The following PDE10A variants were observed in gnomAD, a reference collection of about 807,000 sequenced individuals.
The protein encoded by PDE10A is phosphodiesterase 10A.
A neutral mutation model predicts 97.7 loss-of-function variants in PDE10A; 39 were observed. The ratio of observed to expected loss-of-function variants is 0.40; its 90% CI spans 0.31 to 0.52. The LOEUF is 0.52. Among genes scored for constraint, PDE10A ranks in the 20% least tolerant of loss-of-function variants. PDE10A has a pLI of 0.56. For synonymous variants in PDE10A, 371 were observed against 376.8 expected (o/e 0.98, Z 0.18); for missense variants, 731 against 1,047.8 (o/e 0.70, Z 4.17).
At chr6:165,901,445 G>C (rs569861022) in intron 1 of PDE10A, among the ~76,000 whole-genome samples, 1 of 152,116 alleles carries the variant, frequency 6.6e-6, no homozygotes, top group Non-Finnish European at 1.5e-5. Context: ...TCAGGGCTCC[G>C]GGTCTCACGT....
At chr6:165,741,613 A>G (rs1032224273) in intron 1 of PDE10A, among the ~76,000 whole-genome samples, 1 of 152,212 alleles carries the variant, frequency 6.6e-6, no homozygotes, top group Non-Finnish European at 1.5e-5. Context: ...TTTAAAAAGC[A>G]TGTCATTTTA....
intron 1 of PDE10A, among the ~76,000 whole-genome samples, chr6:165,976,455 T>G (rs145740185): frequency 2.0e-5 from 3 of 152,268 alleles, no homozygotes; most frequent in African/African-American, 7.2e-5. Flanking sequence ...TCAATATAGC[T>G]CAAAGCCAAG....
chr6:165,424,216 C>A (rs1788946313), intron 10 of PDE10A, among the ~76,000 whole-genome samples: 1 of 152,180 alleles, frequency 6.6e-6, no homozygotes, highest in Non-Finnish European at 1.5e-5. Context: ...GATCCCATCA[C>A]AAGCTTTCAG....
At chr6:165,974,521 C>A (rs958613428) in intron 1 of PDE10A, among the ~76,000 whole-genome samples, 13 of 152,140 alleles carry the variant, frequency 8.5e-5, no homozygotes, top group Non-Finnish European at 4.4e-5. Context: ...TACACAAAGA[C>A]ATAGTGGAGA....
chr6:165,540,174 G>A (rs9356369), intron 2 of PDE10A, among the ~76,000 whole-genome samples: 2 of 151,924 alleles, frequency 1.3e-5, no homozygotes, highest in African/African-American at 2.4e-5. Context: ...ATCTCATAGC[G>A]AGCGTCTCAT....
intron 1 of PDE10A, among the ~76,000 whole-genome samples, chr6:165,817,249 C>T (rs1005099721): frequency 2.0e-5 from 3 of 152,118 alleles, no homozygotes. Flanking sequence ...AGTCTGACAG[C>T]TTCTGCTACA....
intron 13 of PDE10A, among the ~76,000 whole-genome samples, chr6:165,402,865 C>T (rs1786775478): frequency 6.6e-6 from 1 of 152,196 alleles, no homozygotes; most frequent in East Asian, 1.9e-4. Context: ...TACACAATAA[C>T]CCTCATTACA....
At chr6:165,361,152 C>T (rs375051483) in intron 18 of PDE10A, among the ~76,000 whole-genome samples, 3 of 152,092 alleles carry the variant, frequency 2.0e-5, no homozygotes, top group South Asian at 4.1e-4. Flanking sequence ...GTAATAAATG[C>T]GTTCATCAAG....
At chr6:165,817,614 G>C (rs1408344289) in intron 1 of PDE10A, among the ~76,000 whole-genome samples, 1 of 152,172 alleles carries the variant, frequency 6.6e-6, no homozygotes, top group African/African-American at 2.4e-5. Context: ...CGCATACATG[G>C]ATGGCTGGTC....
chr6:165,647,806 G>T (rs1789476916), intron 1 of PDE10A, among the ~76,000 whole-genome samples: 1 of 151,936 alleles, frequency 6.6e-6, no homozygotes, highest in Non-Finnish European at 1.5e-5. Flanking sequence ...AGAACCCAAG[G>T]AAACAATGGC....
chr6:165,906,169 G>C (rs1782281182), intron 1 of PDE10A, among the ~76,000 whole-genome samples: 1 of 146,406 alleles, frequency 6.8e-6, no homozygotes, highest in Non-Finnish European at 1.5e-5. Flanking sequence ...AGTGATCTTG[G>C]AATAGTAGAC....
chr6:165,462,704 A>C (rs2128260797), intron 3 of PDE10A, among the ~76,000 whole-genome samples: 1 of 152,270 alleles, frequency 6.6e-6, no homozygotes, highest in East Asian at 1.9e-4. Flanking sequence ...GCAGAAGAAA[A>C]CCTGAGGAAA....
chr6:165,565,145 G>T (rs978604485), intron 1 of PDE10A, among the ~76,000 whole-genome samples: 42 of 152,124 alleles, frequency 2.8e-4, no homozygotes, highest in African/African-American at 9.7e-4. Context: ...TTTACAGTTT[G>T]GGAAGGAAGA....
In PDE10A at chr6:165,540,642, T is replaced by C. The variant is rs922987190; in HGVS notation, c.994+2798A>G. Among the ~76,000 whole-genome samples the C allele has an allele frequency of 3.3e-5, 5 of 152,112 alleles. No individual in the cohort carries two copies. In the East Asian group the frequency reaches 5.8e-4, roughly 18 times the overall value. On this transcript the variant is annotated intron_variant, in intron 2 of 21. Transcript: ENST00000539869. ...AGGCATACTTGAGAACGGGACTTTC[T>C]TTTTTTGTTTGTTTGGTTGCTCTGC...
At chr6:165,646,985 C>G (rs928671462) in intron 1 of PDE10A, among the ~76,000 whole-genome samples, 2 of 152,132 alleles carry the variant, frequency 1.3e-5, no homozygotes, top group Non-Finnish European at 2.9e-5. Flanking sequence ...GCAAACCAGA[C>G]GTAGAGGCTG....
At chr6:165,826,636 CG>C (rs1178722928) in intron 1 of PDE10A, among the ~76,000 whole-genome samples, 1 of 152,088 alleles carries the variant, frequency 6.6e-6, no homozygotes, top group East Asian at 1.9e-4. Context: ...AGGGGTGGTG[CG>C]GGGGAGGCCG....
rs998845811 is a variant in PDE10A at position 165,662,646 on chromosome 6, G to A, written c.166C>T (p.Arg56Cys). The change falls in exon 1 of 22, where the codon CGT (arginine) becomes TGT (cysteine). Residue 56 changes from arginine to cysteine, a missense_variant. By Grantham distance (180) the Arg-to-Cys change is radical (BLOSUM62 -3). Transcript: ENST00000539869. ...GGCGCGGCGCGCTCCGCCCGGCCAC[G>A]GCCAGGCCACTCGGGGGCCGGGCCC... Reference protein sequence around the residue: ...GPGPAPEWPGRGRAERAAPPR... With the variant: ...GPGPAPEWPGCGRAERAAPPR... 1 of 141,588 alleles carries A rather than the reference G, an allele frequency of 7.1e-6. No homozygotes were observed. The highest frequency in any genetic ancestry group is 1.6e-5 in the Non-Finnish European group (1 of 63,878). 8.8% of individuals were successfully genotyped at this position (141,588 alleles called of 1,614,324 possible). A position where few individuals can be genotyped will look rare whatever the true frequency, so the allele number is the denominator to read the frequency against.
chr6:165,382,737 T>TGA (rs1554251848), intron 17 of PDE10A, among the ~76,000 whole-genome samples: 5 of 151,126 alleles, frequency 3.3e-5, no homozygotes, highest in Admixed American at 2.6e-4. Flanking sequence ...ATAGTGATGA[T>TGA]TGATGATGAT....
At chr6:165,353,646 C>T (rs575333985) in intron 18 of PDE10A, among the ~76,000 whole-genome samples, 17 of 152,274 alleles carry the variant, frequency 1.1e-4, no homozygotes, top group African/African-American at 4.1e-4. Flanking sequence ...GTCAACTACT[C>T]TATGATTCCA....
Sources: allele counts gnomAD v4.1 joint callset (sites outside exome capture counted in the v4.1 genomes callset), GRCh38; gene constraint gnomAD v4.1.1; transcripts MANE v1.5; gene names NCBI Gene and HGNC (gene_info 2026-07-23, HGNC 2026-07-21).